The following TLL2 variants were observed in gnomAD, a reference collection of about 807,000 sequenced individuals.
The protein encoded by TLL2 is tolloid-like protein 2.
A neutral mutation model predicts 123.0 loss-of-function variants in TLL2; 106 were observed. That is an observed-to-expected ratio of 0.86 (90% CI 0.74 to 1.01). TLL2 has a LOEUF of 1.01. TLL2 is among the 50% of genes least tolerant of loss of function. The pLI, the probability that TLL2 is intolerant of heterozygous loss-of-function variation, is 0.00. For synonymous variants in TLL2, 494 were observed against 516.8 expected (o/e 0.96, Z 0.60); for missense variants, 1,332 against 1,336.7 (o/e 1.00, Z 0.06).
intron 2 of TLL2, among the ~76,000 whole-genome samples, chr10:96,470,699 G>T (rs1256229906): frequency 6.6e-6 from 1 of 152,154 alleles, no homozygotes; most frequent in East Asian, 1.9e-4. Context: ...AAAGACTAGA[G>T]TCCTAATCTT....
Position 96,372,246 on chromosome 10 carries a change from T to G in TLL2, c.2662+1350A>C, listed in dbSNP as rs571499355. Reference sequence around the variant, plus strand: ...CTGTGCAAGAGGAGGCTGAACTGCCTCAGGATGCTGGTCGCCATTTTGTTT... The same window carrying G: ...CTGTGCAAGAGGAGGCTGAACTGCCGCAGGATGCTGGTCGCCATTTTGTTT... On this transcript the variant is annotated intron_variant, in intron 19 of 20. Transcript: ENST00000357947. Among the ~76,000 whole-genome samples, 129 of 152,248 alleles carry G rather than the reference T, an allele frequency of 8.5e-4. 3 individuals are homozygous for G. Among genetic ancestry groups the G allele is most frequent in the Middle Eastern group, 6.8e-3 (2 of 294 alleles).
chr10:96,428,898 G>A (rs780209810), intron 4 of TLL2, 150 bp from the exon 5 acceptor site: 4 of 571,212 alleles, frequency 7.0e-6, no homozygotes, highest in Admixed American at 3.2e-5. Flanking sequence ...TCTGCCTCCT[G>A]GGTTCAAGCG....
At chr10:96,459,687 A>ATAT (rs1847054824) in intron 2 of TLL2, among the ~76,000 whole-genome samples, 1 of 52,274 alleles carries the variant, frequency 1.9e-5, no homozygotes, top group African/African-American at 6.8e-5. Context: ...AAAAAAAAAA[A>ATAT]AAAAAAAAAA....
chr10:96,476,505 G>A (rs1443326526), intron 2 of TLL2, among the ~76,000 whole-genome samples: 4 of 151,158 alleles, frequency 2.6e-5, no homozygotes, highest in South Asian at 4.2e-4. Context: ...CAAGTGATCC[G>A]CCTGCCTCGG....
At chr10:96,433,605 C>T (rs962092660) in intron 3 of TLL2, among the ~76,000 whole-genome samples, 4 of 152,128 alleles carry the variant, frequency 2.6e-5, no homozygotes, top group Admixed American at 2.0e-4. Context: ...TCCATGGACA[C>T]CAGTCACTGA....
chr10:96,487,957 C>T (rs186042800), intron 1 of TLL2, among the ~76,000 whole-genome samples: 5 of 152,294 alleles, frequency 3.3e-5, no homozygotes, highest in African/African-American at 4.8e-5. Flanking sequence ...CAGTGGCTGA[C>T]GGTGAAGGAA....
At chr10:96,481,468 T>G (rs1451639334) in intron 1 of TLL2, among the ~76,000 whole-genome samples, 1 of 152,218 alleles carries the variant, frequency 6.6e-6, no homozygotes, top group Non-Finnish European at 1.5e-5. Flanking sequence ...GAGCACAGTC[T>G]CTTTATCCTC....
At chr10:96,409,876 C>T (rs971199879) in intron 9 of TLL2, among the ~76,000 whole-genome samples, 2 of 152,164 alleles carry the variant, frequency 1.3e-5, no homozygotes, top group African/African-American at 4.8e-5. Context: ...CAGTCCATCC[C>T]GCTGGAGGGG....
rs1230319168 is a variant in TLL2, at chr10:96,376,804, T to C, written c.2336A>G (p.Lys779Arg). ...HDCKEAGCAH[K>R]ISSVEGTLAS... The stretch of plus-strand genomic sequence containing the variant: ...CAGGGTCCCCTCCACACTGCTGATC[T>C]TGTGTGCACAGCCAGCTGGGGGTGG... Residue 779 changes from lysine to arginine, a missense_variant, in exon 18 of 21, where the codon AAG becomes AGG. Lys to Arg is a conservative substitution (Grantham distance 26). Coordinates refer to ENST00000357947, the MANE Select transcript of TLL2 (RefSeq NM_012465.4). 3.9e-6 allele frequency: 6 copies of C among 1,548,288 alleles called. No homozygotes were observed. The highest frequency in any genetic ancestry group is 4.3e-6 in the Non-Finnish European group (5 of 1,151,004).
intron 2 of TLL2, among the ~76,000 whole-genome samples, chr10:96,466,928 G>A (rs1028697143): frequency 2.8e-4 from 43 of 152,308 alleles, no homozygotes; most frequent in African/African-American, 9.4e-4. Flanking sequence ...TGAGGAAACC[G>A]AGGTCCCCCA....
chr10:96,469,127 C>T (rs980840299), intron 2 of TLL2, among the ~76,000 whole-genome samples: 7 of 152,364 alleles, frequency 4.6e-5, no homozygotes, highest in African/African-American at 9.6e-5. Flanking sequence ...TTGCTTTCTG[C>T]GGGCTGAGCC....
intron 17 of TLL2, 85 bp downstream of exon 17, chr10:96,378,882 C>T (rs554347923): frequency 8.3e-5 from 129 of 1,551,912 alleles, no homozygotes; most frequent in African/African-American, 3.0e-4. Flanking sequence ...CTCGCCGCAC[C>T]TCCTTACTCA....
chr10:96,485,217 G>C (rs1438653721), intron 1 of TLL2, among the ~76,000 whole-genome samples: 1 of 152,146 alleles, frequency 6.6e-6, no homozygotes, highest in Non-Finnish European at 1.5e-5. Flanking sequence ...TCATTATCTT[G>C]ATTTGGCAAT....
chr10:96,386,316 T>A (rs1380461988), intron 14 of TLL2, 101 bp from the exon 15 acceptor site: 3 of 1,244,652 alleles, frequency 2.4e-6, no homozygotes, highest in Non-Finnish European at 3.3e-6. Context: ...GTAATAATTT[T>A]AAAATGTTAG....
At chr10:96,401,373 G>A (rs527853600) in intron 10 of TLL2, among the ~76,000 whole-genome samples, 6 of 152,186 alleles carry the variant, frequency 3.9e-5, no homozygotes, top group East Asian at 3.9e-4. Context: ...GGACCAGCTC[G>A]GCCGACACAA....
chr10:96,415,967 A>T (rs982294809), intron 7 of TLL2, among the ~76,000 whole-genome samples: 2 of 151,144 alleles, frequency 1.3e-5, no homozygotes, highest in Non-Finnish European at 2.9e-5. Flanking sequence ...CCTGTTCAGC[A>T]TCTCTGTACC....
Position 96,480,439 on chromosome 10 carries a change from C to T in TLL2, c.196G>A (p.Ala66Thr), listed in dbSNP as rs200668317. The change falls in exon 2 of 21, where the codon GCC becomes ACC. Residue 66 changes from alanine (A) to threonine (T), a missense_variant. Coordinates refer to ENST00000357947, the MANE Select transcript of TLL2 (RefSeq NM_012465.4). ...AGCTTCAAGTCATCTTCATCTAAGG[C>T]AATGTCTCCCCAAAAGACAGCTGGG... ...CKAAVFWGDI[A>T]LDEDDLKLFH... The T allele has an allele frequency of 1.9e-4, 300 of 1,614,040 alleles. No homozygotes were observed. The highest frequency in any genetic ancestry group is 6.3e-4 in the Admixed American group (38 of 60,006).
At position 96,367,904 on chromosome 10, in the gene TLL2, C is replaced by T. The variant is rs1394656687; in HGVS notation, c.*184G>A. The T allele has an allele frequency of 1.4e-5, 9 of 664,142 alleles. No individual in the cohort carries two copies. The highest frequency in any genetic ancestry group is 2.0e-5 in the Non-Finnish European group (8 of 407,196). The allele number at this position is 664,142 out of a possible 1,614,324, so 41.1% of individuals were successfully genotyped here. On this transcript the variant is annotated 3_prime_UTR_variant, in exon 21 of 21. Transcript: ENST00000357947. ...CAGAAGCAAAAGAACATTTTTCTCT[C>T]CACCTTGTTGGCCAAACTTACAAGA...
At chr10:96,510,069 T>G (rs1847613395) in intron 1 of TLL2, among the ~76,000 whole-genome samples, 1 of 152,208 alleles carries the variant, frequency 6.6e-6, no homozygotes, top group Non-Finnish European at 1.5e-5. Context: ...CATGGAAAGG[T>G]AAAATGACTT....
Sources: allele counts gnomAD v4.1 joint callset (sites outside exome capture counted in the v4.1 genomes callset), GRCh38; gene constraint gnomAD v4.1.1; transcripts MANE v1.5; gene names NCBI Gene and HGNC (gene_info 2026-07-23, HGNC 2026-07-21).